NGEF: variants seen among roughly 807,000 people sequenced by gnomAD.
The protein encoded by NGEF is ephexin-1.
Under a neutral mutation model 80.9 loss-of-function variants are expected in NGEF, and 31 were observed. The observed-to-expected ratio is 0.38, with a 90% confidence interval of 0.29 to 0.52. The LOEUF (loss-of-function observed/expected upper bound fraction) is 0.52. Ranked by LOEUF, NGEF falls within the 20% of genes least tolerant of loss-of-function variation. The probability of loss-of-function intolerance (pLI) is 0.84; values close to 1 mark genes in which losing one functional copy is unlikely to be tolerated. For synonymous variants in NGEF, 371 were observed against 370.2 expected, an observed-to-expected ratio of 1.00 and a Z score of -0.03; for missense variants, 709 against 926.2, an observed-to-expected ratio of 0.77 and a Z score of 3.04.
At position 232,920,319 on chromosome 2, in the gene NGEF, C is replaced by A; in HGVS notation, c.793G>T (p.Glu265Ter). 6.2e-7 allele frequency: 1 copy of A among 1,614,096 alleles called. No homozygotes were observed. Among genetic ancestry groups the A allele is most frequent in the South Asian group, 1.1e-5 (1 of 91,052 alleles). ...TTAATCTCCTCGGGCTGTAGGATCT[C>A]AAGCACCCCGCTGCTCCGGATCTCG... ...LPEIRSSGVLEILQPEEIKLQ... is the reference protein window; with the variant it reads ...LPEIRSSGVL Residue 265 changes from glutamate to a stop codon, truncating the protein, a stop_gained, in exon 5 of 15, where the codon GAG becomes TAG. Coordinates refer to ENST00000264051, the MANE Select transcript of NGEF (RefSeq NM_019850.3). LOFTEE classifies it high-confidence loss of function.
intron 3 of NGEF, among the ~76,000 whole-genome samples, chr2:232,934,295 T>C (rs1420929598): frequency 6.7e-6 from 1 of 149,590 alleles, no homozygotes; most frequent in Non-Finnish European, 1.5e-5. Flanking sequence ...TGGGCAAACA[T>C]AGGACTGCCT....
At chr2:232,949,880 C>A (rs1289263063) in intron 3 of NGEF, among the ~76,000 whole-genome samples, 2 of 151,602 alleles carry the variant, frequency 1.3e-5, no homozygotes, top group Non-Finnish European at 2.9e-5. Context: ...GGTGCCATCT[C>A]GGCTCACCAC....
intron 5 of NGEF, among the ~76,000 whole-genome samples, chr2:232,919,643 T>C (rs1692891681): frequency 6.6e-6 from 1 of 152,182 alleles, no homozygotes; most frequent in Non-Finnish European, 1.5e-5. Flanking sequence ...TGTTACTGGT[T>C]TTAACTGATT....
intron 8 of NGEF, among the ~76,000 whole-genome samples, chr2:232,889,852 T>C (rs1363194961): frequency 6.6e-6 from 1 of 152,146 alleles, no homozygotes; most frequent in Non-Finnish European, 1.5e-5. Context: ...TGCCCCTAGG[T>C]CTTTGGCCTC....
intron 8 of NGEF, 34 bp downstream of exon 8, chr2:232,891,324 G>GCCC (rs1691878427): frequency 6.2e-7 from 1 of 1,611,092 alleles, no homozygotes; most frequent in Non-Finnish European, 8.5e-7. Flanking sequence ...AGCCTGGGAA[G>GCCC]CCCCGTCTGT....
At chr2:232,945,468 T>TACACAGACACAGACACAG (rs71296809) in intron 3 of NGEF, among the ~76,000 whole-genome samples, 34 of 150,346 alleles carry the variant, frequency 2.3e-4, no homozygotes, top group African/African-American at 7.6e-4. Context: ...GAAATTTGGA[T>TACACAGACACAGACACAG]ACACAGACAC....
intron 5 of NGEF, among the ~76,000 whole-genome samples, chr2:232,915,534 G>A (rs778361): frequency 0.7 from 106,501 of 152,074 alleles, 37,741 homozygotes; most frequent in Admixed American, 0.74. Flanking sequence ...GTCAGAGCGG[G>A]CAGGGCAGCT....
rs139530799 is a variant in NGEF at position 232,973,230 on chromosome 2, C to A, written c.268+1393G>T. ...TTGTGGGTTCCTCAAAGGCAGAGAC[C>A]CCAGCTTCCTCGTGTGTGAGAATGT... is the stretch of plus-strand genomic sequence containing the variant. On this transcript the variant is annotated intron_variant, in intron 2 of 14. Transcript: ENST00000264051. 2.6e-4 allele frequency among the ~76,000 whole-genome samples: 39 copies of A among 152,274 alleles called. 1 individual carries two copies. The highest frequency in any genetic ancestry group is 2.1e-3 in the East Asian group (11 of 5,184).
rs149657345 is a variant in NGEF, at chr2:232,963,136, G to A, written c.383+7078C>T. Among the ~76,000 whole-genome samples the A allele has an allele frequency of 5.1e-4, 78 of 152,024 alleles. 3 individuals carry two copies. The highest frequency in any genetic ancestry group is 1.8e-3 in the African/African-American group (75 of 41,330). Reference sequence around the variant, plus strand: ...CAAAGTAGGAGGGTTTACACTACCAGATTTTAAGATTAAGCATAAAGCAAC... The same window carrying A: ...CAAAGTAGGAGGGTTTACACTACCAAATTTTAAGATTAAGCATAAAGCAAC... On this transcript the variant is annotated intron_variant, in intron 3 of 14. Coordinates refer to ENST00000264051, the MANE Select transcript of NGEF (RefSeq NM_019850.3).
At chr2:232,894,291 G>A (rs1380895458) in intron 6 of NGEF, among the ~76,000 whole-genome samples, 1 of 152,248 alleles carries the variant, frequency 6.6e-6, no homozygotes, top group Non-Finnish European at 1.5e-5. Context: ...AGGAGGTGAG[G>A]ATGTGGGAAT....
intron 9 of NGEF, among the ~76,000 whole-genome samples, chr2:232,886,085 T>TGTGTGTGCTGTGTGTGCC (rs1463494566): frequency 7.3e-5 from 6 of 82,540 alleles, no homozygotes; most frequent in African/African-American, 2.4e-4. Flanking sequence ...AATACAGTGG[T>TGTGTGTGCTGTGTGTGCC]GTGTGTGCTG....
chr2:232,972,744 CTTTTTTTTTTT>C (rs61594239), intron 2 of NGEF, among the ~76,000 whole-genome samples: 153 of 123,364 alleles, frequency 1.2e-3, no homozygotes, highest in East Asian at 4.9e-3. Flanking sequence ...TGTCCTTATC[CTTTTTTTTTTT>C]TTTTTTTTTT....
chr2:233,012,987 C>A (rs752895122), intron 1 of NGEF, 81 bp downstream of exon 1: 9 of 461,798 alleles, frequency 1.9e-5, no homozygotes, highest in Non-Finnish European at 4.0e-5. Context: ...CCTTTCCTAC[C>A]TGTCCTAGCG....
chr2:232,976,822 G>A (rs1268495004), intron 1 of NGEF, among the ~76,000 whole-genome samples: 1 of 152,226 alleles, frequency 6.6e-6, no homozygotes, highest in Non-Finnish European at 1.5e-5. Flanking sequence ...GGGGGACCCA[G>A]CAATACCTGA....
intron 1 of NGEF, among the ~76,000 whole-genome samples, chr2:232,987,895 A>G (rs1039717639): frequency 6.6e-6 from 1 of 152,288 alleles, no homozygotes; most frequent in East Asian, 1.9e-4. Context: ...CCCAAATGTC[A>G]GCAAGTGGTA....
chr2:232,977,058 T>C (rs112273617), intron 1 of NGEF, among the ~76,000 whole-genome samples: 1,671 of 152,200 alleles, frequency 0.011, 13 homozygotes, highest in Non-Finnish European at 0.016. Context: ...AACCCACAGC[T>C]CCAGCGAGAT....
At chr2:233,008,088 T>C (rs1177843597) in intron 1 of NGEF, among the ~76,000 whole-genome samples, 1 of 152,204 alleles carries the variant, frequency 6.6e-6, no homozygotes. Flanking sequence ...CTTGGGAGCA[T>C]CCTGAAAAAT....
chr2:232,940,873 A>G (rs756712869), intron 3 of NGEF, among the ~76,000 whole-genome samples: 107 of 152,236 alleles, frequency 7.0e-4, no homozygotes, highest in South Asian at 8.3e-4. Context: ...TTCTAATGAA[A>G]TTTTCCTCCT....
intron 1 of NGEF, among the ~76,000 whole-genome samples, chr2:232,990,814 G>A (rs1422023187): frequency 1.3e-5 from 2 of 152,034 alleles, no homozygotes; most frequent in Non-Finnish European, 2.9e-5. Flanking sequence ...CTTATTAATA[G>A]AGAAGAAAAT....
Sources: allele counts gnomAD v4.1 joint callset (sites outside exome capture counted in the v4.1 genomes callset), GRCh38; gene constraint gnomAD v4.1.1; transcripts MANE v1.5; gene names NCBI Gene and HGNC (gene_info 2026-07-23, HGNC 2026-07-21).